The following GRM8 variants were observed in gnomAD, a reference collection of about 807,000 sequenced individuals.
GRM8 encodes metabotropic glutamate receptor 8.
GRM8 carries 47 observed loss-of-function variants against 87.2 expected under a neutral mutation model. The ratio of observed to expected loss-of-function variants is 0.54; its 90% CI spans 0.43 to 0.69. The LOEUF (loss-of-function observed/expected upper bound fraction) is 0.69, where lower values mean the gene tolerates loss of function less well. Ranked by LOEUF, GRM8 falls within the 30% of genes least tolerant of loss-of-function variation. The pLI is 0.00. For missense variants in GRM8, 1,019 were observed against 1,139.2 expected (o/e 0.89, Z 1.52); for synonymous variants, 396 against 404.5 (o/e 0.98, Z 0.25).
chr7:126,750,006 C>A (rs1370479913), intron 7 of GRM8, among the ~76,000 whole-genome samples: 1 of 152,078 alleles, frequency 6.6e-6, no homozygotes, highest in Non-Finnish European at 1.5e-5. Context: ...CCAAGAGAAA[C>A]AAAAGCATAT....
intron 6 of GRM8, among the ~76,000 whole-genome samples, chr7:126,843,087 T>C (rs1284403470): frequency 1.3e-5 from 2 of 148,574 alleles, no homozygotes; most frequent in Non-Finnish European, 3.0e-5. Context: ...TGAAAGAAGA[T>C]AACTTTCCTG....
chr7:126,960,338 A>C (rs1005590703), intron 3 of GRM8, among the ~76,000 whole-genome samples: 2 of 152,180 alleles, frequency 1.3e-5, no homozygotes, highest in East Asian at 3.8e-4. Flanking sequence ...ATCCAGGGGA[A>C]AAAAATACTC....
intron 2 of GRM8, among the ~76,000 whole-genome samples, chr7:127,237,199 C>G (rs1798030061): frequency 6.6e-6 from 1 of 152,186 alleles, no homozygotes; most frequent in Non-Finnish European, 1.5e-5. Context: ...GGAGAGTGAG[C>G]TCTTTTCAAA....
chr7:126,793,062 GAA>G (rs929783637), intron 6 of GRM8, among the ~76,000 whole-genome samples: 14 of 152,174 alleles, frequency 9.2e-5, no homozygotes, highest in African/African-American at 2.9e-4. Flanking sequence ...GCCAGAAACA[GAA>G]AAGAGTTGGA....
chr7:126,708,268 C>A (rs1188649611), intron 7 of GRM8, among the ~76,000 whole-genome samples: 1 of 151,912 alleles, frequency 6.6e-6, no homozygotes, highest in East Asian at 1.9e-4. Flanking sequence ...AACTTTTGTA[C>A]ATAGTTCGTG....
chr7:126,538,815 A>T (rs1398097679), intron 8 of GRM8, among the ~76,000 whole-genome samples: 1 of 152,064 alleles, frequency 6.6e-6, no homozygotes, highest in Non-Finnish European at 1.5e-5. Context: ...TTAAAATTTT[A>T]AACTTTAGTG....
chr7:127,154,266 C>G (rs1208716930), intron 2 of GRM8, among the ~76,000 whole-genome samples: 1 of 152,112 alleles, frequency 6.6e-6, no homozygotes, highest in Admixed American at 6.6e-5. Flanking sequence ...GATCCAGTCC[C>G]GGTTCCCCAC....
intron 8 of GRM8, among the ~76,000 whole-genome samples, chr7:126,564,680 A>G (rs1313669826): frequency 6.6e-6 from 1 of 152,174 alleles, no homozygotes; most frequent in African/African-American, 2.4e-5. Flanking sequence ...AACCCTTCTC[A>G]AACTATTCCA....
chr7:127,117,261 C>T (rs1826748800), intron 2 of GRM8, among the ~76,000 whole-genome samples: 1 of 85,916 alleles, frequency 1.2e-5, no homozygotes, highest in African/African-American at 5.9e-5. Context: ...TCTAAAAGAA[C>T]CTGGCTTTGC....
chr7:126,856,711 C>A (rs1023387099), intron 6 of GRM8, among the ~76,000 whole-genome samples: 1 of 152,200 alleles, frequency 6.6e-6, no homozygotes, highest in African/African-American at 2.4e-5. Flanking sequence ...AATGCTAAGT[C>A]ATCACCTAAA....
rs538001981 is a variant in GRM8 at position 126,590,841 on chromosome 7, C to G, written c.1494+18521G>C. ...AAATGCTGAGAGAATATACCACTAC[C>G]AAGCCAGCACTGTAAGAACTACTAA... On this transcript the variant is annotated intron_variant, in intron 8 of 10. Transcript: ENST00000339582. 5.1e-4 allele frequency among the ~76,000 whole-genome samples: 77 copies of G among 152,188 alleles called. 1 individual carries two copies. The highest frequency in any genetic ancestry group is 8.3e-4 in the South Asian group (4 of 4,820).
At chr7:126,471,489 T>C (rs1461343863) in intron 9 of GRM8, among the ~76,000 whole-genome samples, 1 of 152,022 alleles carries the variant, frequency 6.6e-6, no homozygotes, top group African/African-American at 2.4e-5. Context: ...TTGTCAAAGA[T>C]CAGATAGTTG....
chr7:127,144,709 T>C (rs1045119802), intron 2 of GRM8, among the ~76,000 whole-genome samples: 28 of 152,114 alleles, frequency 1.8e-4, no homozygotes, highest in African/African-American at 6.8e-4. Context: ...CTGTTCTCAC[T>C]GTCAGTGAGG....
chr7:126,593,005 C>T (rs970978057), intron 8 of GRM8, among the ~76,000 whole-genome samples: 3 of 151,676 alleles, frequency 2.0e-5, no homozygotes, highest in African/African-American at 7.3e-5. Context: ...GAAAGTGATC[C>T]CCTTTATATA....
intron 6 of GRM8, among the ~76,000 whole-genome samples, chr7:126,821,810 G>A (rs1049885780): frequency 6.6e-6 from 1 of 152,000 alleles, no homozygotes; most frequent in Non-Finnish European, 1.5e-5. Flanking sequence ...TAAATTACAG[G>A]CCTTTTCCGG....
At chr7:126,632,495 C>G (rs771577852) in intron 7 of GRM8, among the ~76,000 whole-genome samples, 1 of 152,074 alleles carries the variant, frequency 6.6e-6, no homozygotes, top group Non-Finnish European at 1.5e-5. Flanking sequence ...AGATTTAAAA[C>G]CAGAAATACC....
intron 7 of GRM8, among the ~76,000 whole-genome samples, chr7:126,764,410 T>C (rs549351115): frequency 2.0e-5 from 3 of 152,196 alleles, no homozygotes; most frequent in Non-Finnish European, 2.9e-5. Context: ...ATGTTTATTA[T>C]TGTCTTATTT....
chr7:126,855,733 C>A lies in GRM8; in HGVS notation c.1156+46809G>T, dbSNP rs529170112. ...TGAAGTGATAAACCGCCTTGGTCTC[C>A]CAAAGTGCTGGGATTACAGGTGTGA... On this transcript the variant is annotated intron_variant, in intron 6 of 10. Transcript: ENST00000339582. 4.6e-5 allele frequency among the ~76,000 whole-genome samples: 7 copies of A among 152,234 alleles called. No individual in the cohort carries two copies. In the East Asian group the frequency reaches 1.4e-3, roughly 29 times the overall value.
intron 3 of GRM8, among the ~76,000 whole-genome samples, chr7:126,954,193 TA>T: frequency 6.6e-6 from 1 of 152,218 alleles, no homozygotes; most frequent in Non-Finnish European, 1.5e-5. Flanking sequence ...CACACACCCT[TA>T]GAAATATCAA....
Sources: gnomAD v4.1 joint callset for allele counts (sites outside exome capture counted in the v4.1 genomes callset) on GRCh38, gnomAD v4.1.1 for gene constraint, MANE v1.5 for transcripts, NCBI Gene and HGNC (gene_info 2026-07-23, HGNC 2026-07-21) for gene names.